IKZF1: variants seen among roughly 807,000 people sequenced by gnomAD.
The protein encoded by IKZF1 is IKAROS family zinc finger 1, also known as DNA-binding protein Ikaros.
IKZF1 carries 10 observed loss-of-function variants against 51.7 expected under a neutral mutation model. The ratio of observed to expected loss-of-function variants is 0.19; its 90% CI spans 0.12 to 0.33. The LOEUF (loss-of-function observed/expected upper bound fraction) is 0.33, where lower values mean the gene tolerates loss of function less well. IKZF1 is among the 10% of genes least tolerant of loss of function. The pLI, the probability that IKZF1 is intolerant of heterozygous loss-of-function variation, is 1.00. For missense variants in IKZF1, 484 were observed against 707.5 expected (o/e 0.68, Z 3.58); for synonymous variants, 280 against 282.3 (o/e 0.99, Z 0.08).
intron 1 of IKZF1, among the ~76,000 whole-genome samples, chr7:50,305,231 G>A (rs1773578149): frequency 6.6e-6 from 1 of 152,204 alleles, no homozygotes; most frequent in African/African-American, 2.4e-5. Flanking sequence ...ACGGAAGTCA[G>A]CCTTTATAAA....
At chr7:50,389,766 G>C (rs372205382) in intron 6 of IKZF1, among the ~76,000 whole-genome samples, 1 of 152,184 alleles carries the variant, frequency 6.6e-6, no homozygotes, top group East Asian at 1.9e-4. Flanking sequence ...ACTGTGCTTA[G>C]GGCCAGGAAG....
intron 1 of IKZF1, among the ~76,000 whole-genome samples, chr7:50,311,773 T>A (rs960997850): frequency 6.6e-6 from 1 of 152,194 alleles, no homozygotes; most frequent in Admixed American, 6.5e-5. Context: ...TTAAGATAAT[T>A]TAACTGCTAA....
At chr7:50,318,677 A>G (rs1469262469) in intron 1 of IKZF1, 3 of 233,360 alleles carry the variant, frequency 1.3e-5, no homozygotes, top group Non-Finnish European at 1.7e-5. Flanking sequence ...ATTAGAAAGA[A>G]CATAACTATG....
chr7:50,392,306 A>G (rs1257041404), intron 7 of IKZF1, among the ~76,000 whole-genome samples: 1 of 152,188 alleles, frequency 6.6e-6, no homozygotes, highest in East Asian at 1.9e-4. Context: ...GGGAGGAATC[A>G]TACAGTGACT....
chr7:50,364,009 A>G (rs1024647681), intron 3 of IKZF1, among the ~76,000 whole-genome samples: 1 of 152,234 alleles, frequency 6.6e-6, no homozygotes, highest in Non-Finnish European at 1.5e-5. Context: ...GGTTCATGTG[A>G]TTTAAAGAAT....
intron 3 of IKZF1, among the ~76,000 whole-genome samples, chr7:50,329,382 G>C (rs909911835): frequency 6.6e-6 from 1 of 152,156 alleles, no homozygotes; most frequent in Non-Finnish European, 1.5e-5. Context: ...TATCATTTCA[G>C]GGTTTTCCAA....
intron 1 of IKZF1, among the ~76,000 whole-genome samples, chr7:50,314,312 G>C (rs895523997): frequency 6.6e-6 from 1 of 152,034 alleles, no homozygotes; most frequent in Non-Finnish European, 1.5e-5. Flanking sequence ...GGGTTTCGCC[G>C]TGTTAGCCAG....
chr7:50,312,844 T>G (rs1255049430), intron 1 of IKZF1, among the ~76,000 whole-genome samples: 1 of 152,206 alleles, frequency 6.6e-6, no homozygotes, highest in East Asian at 1.9e-4. Flanking sequence ...CAGTTAAATG[T>G]CGGGGGAGGG....
Position 50,391,734 on chromosome 7 carries a change from A to G in IKZF1, c.721A>G (p.Lys241Glu). Reference protein sequence around the residue: ...GLPGTLYPVIKEETNHSEMAE... With the variant: ...GLPGTLYPVIEEETNHSEMAE... ...CTCTCTGTCTTTGACTTTAGTCATT[A>G]AAGAAGAAACTAATCACAGTGAAAT... Residue 241 changes from lysine to glutamate, a missense_variant, in exon 7 of 8, where the codon AAA (lysine) becomes GAA (glutamate). Around this residue, in one of 6 missense-constraint regions of IKZF1, gnomAD observed 172 missense variants for 192.7 expected, o/e 0.89. Coordinates refer to ENST00000331340, the MANE Select transcript of IKZF1 (RefSeq NM_006060.6). 1 of 1,614,002 alleles carries G rather than the reference A, an allele frequency of 6.2e-7. No homozygotes were observed. The highest frequency in any genetic ancestry group is 8.5e-7 in the Non-Finnish European group (1 of 1,179,880).
In IKZF1 at chr7:50,400,329, A is replaced by AAT. The variant is rs1433729983; in HGVS notation, c.1262_1263insAT (p.His421GlnfsTer40). The AAT allele has an allele frequency of 2.5e-6, 4 of 1,612,744 alleles. No homozygotes were observed. Among genetic ancestry groups the AAT allele is most frequent in the Non-Finnish European group, 3.4e-6 (4 of 1,179,686 alleles). ...TACCTGACCAACCACATCGCCCCGC[A>AAT]CGCGCGCAACGGGCTGTCGCTCAAG... On this transcript the variant is annotated frameshift_variant, in exon 8 of 8. Coordinates refer to ENST00000331340, the MANE Select transcript of IKZF1 (RefSeq NM_006060.6). LOFTEE classifies it high-confidence loss of function. This position sits in a 1 kb window ranked among gnomAD's most constrained non-coding sequence, Gnocchi z 5.4.
rs142283011 is a variant in IKZF1, at chr7:50,324,209, A to G, written c.41-3429A>G. On this transcript the variant is annotated intron_variant, in intron 2 of 7. Transcript: ENST00000331340. ...TTTCATGAAGTGATAACTTTTCATC[A>G]TGGAGATCCTCAGCTGTCACAGAAG... is the stretch of plus-strand genomic sequence containing the variant. 4.9e-3 allele frequency among the ~76,000 whole-genome samples: 745 copies of G among 152,342 alleles called. 4 individuals carry two copies. The highest frequency in any genetic ancestry group is 0.017 in the African/African-American group (713 of 41,578).
chr7:50,339,258 T>TGTGTGTGG (rs1584594509), intron 3 of IKZF1, among the ~76,000 whole-genome samples: 1 of 131,554 alleles, frequency 7.6e-6, no homozygotes, highest in East Asian at 2.2e-4. Context: ...TGTGTGTGTG[T>TGTGTGTGG]TGTGGAGGAG....
intron 7 of IKZF1, among the ~76,000 whole-genome samples, chr7:50,395,749 TA>T (rs931421752): frequency 3.3e-5 from 5 of 152,114 alleles, no homozygotes; most frequent in African/African-American, 9.7e-5. Context: ...GCAACTTTTT[TA>T]AAAAAAAGTT....
chr7:50,394,489 C>T (rs1434652242), intron 7 of IKZF1: 3 of 233,316 alleles, frequency 1.3e-5, no homozygotes, highest in Non-Finnish European at 2.5e-5. Flanking sequence ...GAGAGAGCCC[C>T]ATCCTTCAGA....
At chr7:50,391,943 GAAGA>G (rs1488795774) in intron 7 of IKZF1, 80 bp downstream of exon 7, 4 of 1,432,822 alleles carry the variant, frequency 2.8e-6, no homozygotes, top group Non-Finnish European at 2.8e-6. Flanking sequence ...GTTGAGGGTG[GAAGA>G]AAGGGAAAAA....
intron 3 of IKZF1, among the ~76,000 whole-genome samples, chr7:50,336,536 C>G (rs1797830258): frequency 6.6e-6 from 1 of 152,176 alleles, no homozygotes; most frequent in Non-Finnish European, 1.5e-5. Flanking sequence ...GGGGGCCTGT[C>G]AGATAGCTCG....
intron 3 of IKZF1, among the ~76,000 whole-genome samples, chr7:50,337,210 G>A (rs1345240873): frequency 1.3e-5 from 2 of 152,084 alleles, no homozygotes; most frequent in Non-Finnish European, 2.9e-5. Context: ...TGGGGTCGGG[G>A]GTCACAGGAC....
intron 3 of IKZF1, among the ~76,000 whole-genome samples, chr7:50,336,120 C>T: frequency 6.6e-6 from 1 of 152,192 alleles, no homozygotes; most frequent in South Asian, 2.1e-4. Context: ...AAAAAGCTTA[C>T]AGTTCCTCAG....
intron 7 of IKZF1, among the ~76,000 whole-genome samples, chr7:50,398,470 G>A (rs1378387781): frequency 6.6e-6 from 1 of 152,080 alleles, no homozygotes; most frequent in Non-Finnish European, 1.5e-5. Flanking sequence ...CCAACACTGG[G>A]ACACAAAACC....
Sources: allele counts gnomAD v4.1 joint callset (sites outside exome capture counted in the v4.1 genomes callset), GRCh38; gene constraint gnomAD v4.1.1; regional missense constraint gnomAD v4.1.1; non-coding constraint Gnocchi (gnomAD v3.1); transcripts MANE v1.5; gene names NCBI Gene and HGNC (gene_info 2026-07-23, HGNC 2026-07-21).